Variants in CTBP1 observed in about 807,000 individuals in gnomAD.
CTBP1 encodes C-terminal-binding protein 1.
Under a neutral mutation model 42.1 loss-of-function variants are expected in CTBP1, and 11 were observed. The ratio of observed to expected loss-of-function variants is 0.26; its 90% CI spans 0.16 to 0.43. CTBP1 has a LOEUF of 0.43. CTBP1 is among the 20% of genes least tolerant of loss of function. The pLI is 1.00. For missense variants in CTBP1, 399 were observed against 624.3 expected (o/e 0.64, Z 3.85); for synonymous variants, 324 against 277.1 (o/e 1.17, Z -1.68).
At position 1,212,294 on chromosome 4, in the gene CTBP1, A is replaced by G; in HGVS notation, c.1236T>C (p.Pro412=). The change falls in exon 10 of 10, where the codon CCT becomes CCC. Residue 412 remains proline (P), a synonymous_variant. Coordinates refer to ENST00000382952, the MANE Select transcript of CTBP1 (RefSeq NM_001012614.2). The part of the protein sequence containing the change: ...PVAHPPHAPS[P]GQTVKPEADR... ...CCGCCTCGGGCTTGACGGTTTGGCC[A>G]GGAGAAGGGGCGTGGGGCGGGTGGG... 1 of 1,143,946 alleles carries G rather than the reference A, an allele frequency of 8.7e-7. No individual in the cohort carries two copies. The highest frequency in any genetic ancestry group is 1.2e-6 in the Non-Finnish European group (1 of 854,706). The allele number at this position is 1,143,946 out of a possible 1,614,324, so 70.9% of individuals were successfully genotyped here. A position where few individuals can be genotyped will look rare whatever the true frequency, so the allele number is the denominator to read the frequency against.
At chr4:1,246,499 C>T (rs1248783407) in intron 1 of CTBP1, among the ~76,000 whole-genome samples, 3 of 152,236 alleles carry the variant, frequency 2.0e-5, no homozygotes, top group Non-Finnish European at 4.4e-5. Flanking sequence ...TCACAGGGCA[C>T]ACACCTTTGA....
At chr4:1,225,688 C>G in intron 4 of CTBP1, 122 bp from the exon 5 acceptor site, 1 of 1,055,188 alleles carries the variant, frequency 9.5e-7, no homozygotes, top group Non-Finnish European at 1.3e-6. Flanking sequence ...GGCCGTGTCC[C>G]CAAGGCCACC....
chr4:1,245,875 G>A (rs1244870209), intron 1 of CTBP1, among the ~76,000 whole-genome samples: 2 of 152,102 alleles, frequency 1.3e-5, no homozygotes, highest in East Asian at 1.9e-4. Context: ...TAGCCCCAAC[G>A]CCTCCCCAAC....
chr4:1,248,611 C>A, intron 1 of CTBP1: 1 of 913,580 alleles, frequency 1.1e-6, no homozygotes, highest in Non-Finnish European at 1.3e-6. Context: ...GTCGGTGGAG[C>A]TGGGGGTCCG....
chr4:1,214,414 C>A lies in CTBP1; in HGVS notation c.789G>T (p.Ala263=), dbSNP rs147301141. Residue 263 remains alanine, a synonymous_variant, in exon 7 of 10, where the codon GCG becomes GCT. Transcript: ENST00000382952. The part of the protein sequence containing the change: ...TARGGLVDEK[A]LAQALKEGRI... ...GGCCCTCCTTCAGGGCCTGGGCCAGCGCCTTCTCATCCACCAGGCCACCCC... is the reference window on the plus strand; with the variant it reads ...GGCCCTCCTTCAGGGCCTGGGCCAGAGCCTTCTCATCCACCAGGCCACCCC... 2 of 1,577,498 alleles carry A rather than the reference C, an allele frequency of 1.3e-6. No individual in the cohort carries two copies. Among genetic ancestry groups the A allele is most frequent in the Non-Finnish European group, 1.7e-6 (2 of 1,164,890 alleles).
intron 4 of CTBP1, 97 bp downstream of exon 4, chr4:1,228,102 C>CG (rs1417705897): frequency 6.6e-7 from 1 of 1,513,156 alleles, no homozygotes; most frequent in Non-Finnish European, 9.0e-7. Flanking sequence ...CAATGTGCAA[C>CG]GGGGTCCTCA....
At position 1,248,924 on chromosome 4, in the gene CTBP1, A is replaced by G. The variant is rs768733368; in HGVS notation, c.-197T>C. On this transcript the variant is annotated 5_prime_UTR_variant, in exon 1 of 10. Transcript: ENST00000382952. ...CGCGCGCGCGGCCTTACCAAGCGGCAGGCCCTTGTTGAGCAAGTGCGAGCT... is the reference window on the plus strand; with the variant it reads ...CGCGCGCGCGGCCTTACCAAGCGGCGGGCCCTTGTTGAGCAAGTGCGAGCT... The G allele has an allele frequency of 3.9e-5, 39 of 999,248 alleles. No homozygotes were observed. In the South Asian group the frequency reaches 8.5e-4, roughly 22 times the overall value. The allele number at this position is 999,248 out of a possible 1,614,324, so 61.9% of individuals were successfully genotyped here. A position where few individuals can be genotyped will look rare whatever the true frequency, so the allele number is the denominator to read the frequency against.
At chr4:1,214,614 G>A (rs972267712) in intron 6 of CTBP1, 141 bp from the exon 7 acceptor site, 19 of 1,130,558 alleles carry the variant, frequency 1.7e-5, no homozygotes, top group East Asian at 6.2e-5. Flanking sequence ...TCACCACGGC[G>A]CTAGGACTGA....
At chr4:1,214,230 A>G (rs1422882167) in intron 7 of CTBP1, 113 bp downstream of exon 7, 1 of 1,326,028 alleles carries the variant, frequency 7.5e-7, no homozygotes, top group African/African-American at 1.5e-5. Context: ...CTGGCCAGCG[A>G]GAGGCCTGAG....
In CTBP1 at chr4:1,238,481, T is replaced by A; in HGVS notation, c.8-144A>T. On this transcript the variant is annotated intron_variant, in intron 2 of 9. Coordinates refer to ENST00000382952, the MANE Select transcript of CTBP1 (RefSeq NM_001012614.2). This position sits in a 1 kb window ranked among gnomAD's most constrained non-coding sequence, Gnocchi z 5.9. ...TATATGTTGTGATATTTGTAAAAAG[T>A]AAATTAAAAATCCACGTGAAAGACA... is the stretch of plus-strand genomic sequence containing the variant. The A allele has an allele frequency of 2.8e-6, 3 of 1,062,686 alleles. No individual in the cohort carries two copies. The highest frequency in any genetic ancestry group is 2.6e-6 in the Non-Finnish European group (2 of 774,528). 65.8% of individuals were successfully genotyped at this position (1,062,686 alleles called of 1,614,324 possible).
Position 1,233,868 on chromosome 4 carries a change from A to C in CTBP1, c.162+4315T>G, listed in dbSNP as rs1731214788. ...CCTGACTAACAGTGGCACACAAAGC[A>C]GGTGTTCAGTTTCCTCCCACGCCAA... On this transcript the variant is annotated intron_variant, in intron 3 of 9. Coordinates refer to ENST00000382952, the MANE Select transcript of CTBP1 (RefSeq NM_001012614.2). The surrounding 1 kb of genome is among the most constrained non-coding windows in gnomAD (Gnocchi z 4.6). Among the ~76,000 whole-genome samples, 1 of 152,188 alleles carries C rather than the reference A, an allele frequency of 6.6e-6. No individual in the cohort carries two copies. The highest frequency in any genetic ancestry group is 1.5e-5 in the Non-Finnish European group (1 of 68,026).
chr4:1,219,858 A>G (rs566438438), intron 5 of CTBP1, among the ~76,000 whole-genome samples: 78 of 152,374 alleles, frequency 5.1e-4, no homozygotes, highest in Non-Finnish European at 7.8e-4. Context: ...GCTGTGGGAT[A>G]TGAGGTTGGT....
chr4:1,220,539 G>A (rs1729623944), intron 5 of CTBP1, among the ~76,000 whole-genome samples: 1 of 152,228 alleles, frequency 6.6e-6, no homozygotes, highest in African/African-American at 2.4e-5. Context: ...ATTCCAGAAT[G>A]GAAATGGAAA....
At chr4:1,229,298 C>A (rs888085382) in intron 3 of CTBP1, among the ~76,000 whole-genome samples, 6 of 152,370 alleles carry the variant, frequency 3.9e-5, no homozygotes, top group Admixed American at 2.6e-4. Flanking sequence ...CACACCCAAA[C>A]ACATCCACCC....
intron 6 of CTBP1, 110 bp from the exon 7 acceptor site, chr4:1,214,583 C>G: frequency 7.4e-7 from 1 of 1,356,826 alleles, no homozygotes; most frequent in Non-Finnish European, 9.8e-7. Context: ...TCCCTAGCCC[C>G]TTCCCAGCCC....
chr4:1,222,225 C>T (rs1000443883), intron 5 of CTBP1, among the ~76,000 whole-genome samples: 8 of 152,008 alleles, frequency 5.3e-5, no homozygotes, highest in African/African-American at 4.8e-5. Context: ...GGGGACGGGA[C>T]GCAGGTGTTC....
intron 5 of CTBP1, chr4:1,221,532 G>A (rs569283393): frequency 1.2e-5 from 2 of 160,972 alleles, no homozygotes; most frequent in South Asian, 1.5e-4. Flanking sequence ...GAAGCAAATC[G>A]TGCTGTGTTC....
At chr4:1,241,704 G>C (rs750516247) in intron 1 of CTBP1, 185 bp from the exon 2 acceptor site, 3 of 1,232,168 alleles carry the variant, frequency 2.4e-6, no homozygotes, top group Non-Finnish European at 3.1e-6. Flanking sequence ...CCGCACACAC[G>C]AAGGGCGCTC....
At chr4:1,224,151 A>G (rs770812582) in intron 5 of CTBP1, among the ~76,000 whole-genome samples, 2 of 152,140 alleles carry the variant, frequency 1.3e-5, no homozygotes, top group Non-Finnish European at 2.9e-5. Context: ...GTGCCCACAC[A>G]TATGCCGGTA....
Sources: allele counts gnomAD v4.1 joint callset (sites outside exome capture counted in the v4.1 genomes callset), GRCh38; gene constraint gnomAD v4.1.1; non-coding constraint Gnocchi (gnomAD v3.1); transcripts MANE v1.5; gene names NCBI Gene and HGNC (gene_info 2026-07-23, HGNC 2026-07-21).